Variants in ZNF737 observed in about 807,000 individuals in gnomAD.
ZNF737 encodes zinc finger protein 102 (Y3).
ZNF737 carries 13 observed loss-of-function variants against 11.7 expected under a neutral mutation model. That is an observed-to-expected ratio of 1.11 (90% CI 0.73 to 1.77). ZNF737 has a LOEUF of 1.77. Among genes scored for constraint, ZNF737 ranks in the 40% most tolerant of loss-of-function variants. The pLI is 0.00. For missense variants in ZNF737, 636 were observed against 638.0 expected (o/e 1.00, Z 0.03); for synonymous variants, 217 against 216.2 (o/e 1.00, Z -0.03).
At chr19:20,558,925 G>T (rs1288393392) in intron 1 of ZNF737, among the ~76,000 whole-genome samples, 1 of 152,184 alleles carries the variant, frequency 6.6e-6, no homozygotes, top group African/African-American at 2.4e-5. Flanking sequence ...GCTGACAAGG[G>T]AAATGTGGGA....
chr19:20,560,219 C>A (rs1245996350), intron 1 of ZNF737, among the ~76,000 whole-genome samples: 1 of 150,918 alleles, frequency 6.6e-6, no homozygotes, highest in Non-Finnish European at 1.5e-5. Flanking sequence ...TGGTAATGCC[C>A]GCGTGTAGTC....
downstream of ZNF737, among the ~76,000 whole-genome samples, chr19:20,534,663 T>C (rs1555753508): frequency 6.7e-6 from 1 of 150,134 alleles, no homozygotes; most frequent in East Asian, 2.0e-4. Flanking sequence ...ATTATACATA[T>C]CAAAAAATCT....
At chr19:20,536,244 A>G (rs930311468), downstream of ZNF737, 16 of 306,650 alleles carry the variant, frequency 5.2e-5, no homozygotes, top group African/African-American at 3.4e-4. Context: ...TATTTGATCA[A>G]AAGCTAGCAA....
At chr19:20,550,117 T>G (rs1358899725) in intron 3 of ZNF737, among the ~76,000 whole-genome samples, 1 of 152,152 alleles carries the variant, frequency 6.6e-6, no homozygotes, top group East Asian at 1.9e-4. Flanking sequence ...AACTAGTTCC[T>G]TTTAATGTCT....
chr19:20,531,866 A>G (rs1244111279), downstream of ZNF737, among the ~76,000 whole-genome samples: 2 of 150,450 alleles, frequency 1.3e-5, no homozygotes, highest in East Asian at 2.0e-4. Context: ...AGAGAATTCT[A>G]TAAATATTTC....
At position 20,545,973 on chromosome 19, in the gene ZNF737, G is replaced by A. The variant is rs376968717; in HGVS notation, c.230C>T (p.Thr77Met). The A allele has an allele frequency of 3.5e-5, 54 of 1,539,046 alleles. No homozygotes were observed. The African/African-American group carries it at 4.4e-4, about 13-fold the overall frequency. The change falls in exon 4 of 4, where the codon ACG (threonine) becomes ATG (methionine). Residue 77 changes from threonine (T) to methionine (M), a missense_variant. Physicochemically the swap from Thr to Met is moderately conservative, Grantham distance 81 (BLOSUM62 -1). Coordinates refer to ENST00000427401, the MANE Select transcript of ZNF737 (RefSeq NM_001159293.2). The part of the protein sequence containing the change: ...KHEMVANPSV[T>M]CSHFARDLWP... ...AAGATCTCGGGCAAAATGAGAACAC[G>A]TAACTGAAAGAAACAATAAAAGCAC...
chr19:20,546,121 T>A, intron 3 of ZNF737, 145 bp from the exon 4 acceptor site: 1 of 1,149,898 alleles, frequency 8.7e-7, no homozygotes, highest in Non-Finnish European at 1.2e-6. Flanking sequence ...CCTGGATACA[T>A]AAATGTAACA....
chr19:20,535,204 G>C (rs1435171152), downstream of ZNF737, among the ~76,000 whole-genome samples: 7 of 152,128 alleles, frequency 4.6e-5, no homozygotes, highest in East Asian at 1.4e-3. Flanking sequence ...CTTGAACCTG[G>C]TAGGCAGAGT....
At chr19:20,537,509 C>CTTT (rs1172290847), downstream of ZNF737, among the ~76,000 whole-genome samples, 240 of 58,232 alleles carry the variant, frequency 4.1e-3, 2 homozygotes, top group African/African-American at 5.1e-3. Flanking sequence ...GCCTGGTTTT[C>CTTT]TATTTTTTTT....
At chr19:20,532,334 G>A (rs1235089365), downstream of ZNF737, among the ~76,000 whole-genome samples, 4 of 150,088 alleles carry the variant, frequency 2.7e-5, no homozygotes, top group African/African-American at 9.8e-5. Context: ...AGCTTCAGGG[G>A]TAGAATACGG....
At position 20,542,121 on chromosome 19, in the gene ZNF737, C is replaced by A; in HGVS notation, c.*2471G>T. On this transcript the variant is annotated 3_prime_UTR_variant, in exon 4 of 4. Coordinates refer to ENST00000427401, the MANE Select transcript of ZNF737 (RefSeq NM_001159293.2). The stretch of plus-strand genomic sequence containing the variant: ...ATATTCCTACAATATTGTACCTACA[C>A]CCTTGAGTAAAGTGGGATACAGTTA... 1.0e-6 allele frequency: 1 copy of A among 985,188 alleles called. No individual in the cohort carries two copies. Among genetic ancestry groups the A allele is most frequent in the East Asian group, 1.1e-4 (1 of 8,814 alleles). 61.0% of individuals were successfully genotyped at this position (985,188 alleles called of 1,614,324 possible). A position where few individuals can be genotyped will look rare whatever the true frequency, so the allele number is the denominator to read the frequency against.
At position 20,543,816 on chromosome 19, in the gene ZNF737, T is replaced by G. The variant is rs33929; in HGVS notation, c.*776A>C. The G allele has an allele frequency of 1.0e-6, 1 of 984,900 alleles. No individual in the cohort carries two copies. Among genetic ancestry groups the G allele is most frequent in the African/African-American group, 1.7e-5 (1 of 57,170 alleles). The allele number at this position is 984,900 out of a possible 1,614,324, so 61.0% of individuals were successfully genotyped here. On this transcript the variant is annotated 3_prime_UTR_variant, in exon 4 of 4. Transcript: ENST00000427401. ...GGATTTCCTCTTCAACATGAATTAT[T>G]GCCATGCCTCTTAAGAATTGAGAAC...
intron 1 of ZNF737, among the ~76,000 whole-genome samples, chr19:20,556,451 C>T (rs1010760441): frequency 2.6e-5 from 4 of 152,172 alleles, no homozygotes; most frequent in African/African-American, 9.7e-5. Flanking sequence ...AGCATTGCCT[C>T]TCAAGCTTTA....
At chr19:20,552,408 G>T in intron 3 of ZNF737, 67 bp downstream of exon 3, 1 of 1,150,558 alleles carries the variant, frequency 8.7e-7, no homozygotes, top group Non-Finnish European at 1.2e-6. Context: ...TTAAGGACTG[G>T]CTTTCTCTTT....
rs1417240538 is a variant in ZNF737 at position 20,545,067 on chromosome 19, T to C, written c.1136A>G (p.Asn379Ser). ...ATGTGTAGTAAGGTGTGAGGACCAG[T>C]TGAAGGCTTTGCCACATTCTTCACA... is the stretch of plus-strand genomic sequence containing the variant. The part of the protein sequence containing the change: ...YKCEECGKAF[N>S]WSSHLTTHKR... Residue 379 changes from asparagine (N) to serine (S), a missense_variant, in exon 4 of 4, where the codon AAC (asparagine) becomes AGC (serine). Physicochemically the swap from Asn to Ser is conservative, Grantham distance 46. Coordinates refer to ENST00000427401, the MANE Select transcript of ZNF737 (RefSeq NM_001159293.2). 2 of 1,612,696 alleles carry C rather than the reference T, an allele frequency of 1.2e-6. No individual in the cohort carries two copies. Among genetic ancestry groups the C allele is most frequent in the South Asian group, 1.1e-5 (1 of 90,940 alleles).
At chr19:20,534,459 A>C (rs1246111365), downstream of ZNF737, among the ~76,000 whole-genome samples, 1 of 117,152 alleles carries the variant, frequency 8.5e-6, no homozygotes, top group African/African-American at 2.9e-5. Context: ...AAAAATATCT[A>C]TCTATCTATC....
the ZNF737 span, among the ~76,000 whole-genome samples, chr19:20,530,556 C>A: frequency 1.4e-5 from 2 of 146,016 alleles, no homozygotes; most frequent in Admixed American, 6.7e-5. Context: ...TCAGATGGGG[C>A]GGCCGGGCAG....
chr19:20,536,803 C>T (rs1967983928), downstream of ZNF737, among the ~76,000 whole-genome samples: 1 of 152,138 alleles, frequency 6.6e-6, no homozygotes, highest in African/African-American at 2.4e-5. Flanking sequence ...ATTAGCTGTG[C>T]ATGGTGGTGG....
rs1968199903 is a variant in ZNF737, at chr19:20,541,385, T to C, written c.*3207A>G. Reference sequence around the variant, plus strand: ...TGTGTTTGCAGGCAGAGACCACATGTTCAAGGAAAACTATATTACAAGTAT... The same window carrying C: ...TGTGTTTGCAGGCAGAGACCACATGCTCAAGGAAAACTATATTACAAGTAT... On this transcript the variant is annotated 3_prime_UTR_variant, in exon 4 of 4. Transcript: ENST00000427401. The C allele has an allele frequency of 1.0e-6, 1 of 983,622 alleles. No homozygotes were observed. Among genetic ancestry groups the C allele is most frequent in the African/African-American group, 1.7e-5 (1 of 57,202 alleles). 60.9% of individuals were successfully genotyped at this position (983,622 alleles called of 1,614,324 possible). A position where few individuals can be genotyped will look rare whatever the true frequency, so the allele number is the denominator to read the frequency against.
Sources: allele counts gnomAD v4.1 joint callset (sites outside exome capture counted in the v4.1 genomes callset), GRCh38; gene constraint gnomAD v4.1.1; transcripts MANE v1.5; gene names NCBI Gene and HGNC (gene_info 2026-07-23, HGNC 2026-07-21).